Variants in SNAP47 observed in about 807,000 individuals in gnomAD.
SNAP47 encodes synaptosome associated protein 47.
Under a neutral mutation model 31.4 loss-of-function variants are expected in SNAP47, and 20 were observed. The ratio of observed to expected loss-of-function variants is 0.64; its 90% confidence interval spans 0.45 to 0.93. The LOEUF is 0.93. Ranked by LOEUF, SNAP47 falls within the 40% of genes least tolerant of loss-of-function variation. The pLI is 0.00. For synonymous variants in SNAP47, 194 were observed against 213.4 expected (o/e 0.91, Z 0.79); for missense variants, 492 against 528.5 (o/e 0.93, Z 0.68).
In SNAP47 at chr1:227,748,098, A is replaced by T; in HGVS notation, c.362A>T (p.Glu121Val). ...DASVPRTRGE[E>V]LTGLMAGSQK... ...TCTGTCCCAAGGACCCGGGGCGAGGAGCTGACGGGACTCATGGCTGGATCC... is the reference window on the plus strand; with the variant it reads ...TCTGTCCCAAGGACCCGGGGCGAGGTGCTGACGGGACTCATGGCTGGATCC... Residue 121 changes from glutamate to valine, a missense_variant, in exon 2 of 5, where the codon GAG becomes GTG. Transcript: ENST00000617596. The T allele has an allele frequency of 1.2e-6, 2 of 1,613,988 alleles. No homozygotes were observed. The highest frequency in any genetic ancestry group is 2.2e-5 in the East Asian group (1 of 44,848).
At chr1:227,734,880 AGAGGAACTCTCCAG>A (rs1299323145), upstream of SNAP47, 34 of 1,598,652 alleles carry the variant, frequency 2.1e-5, no homozygotes, top group Non-Finnish European at 2.9e-5. Flanking sequence ...AACCGTCTGC[AGAGGAACTCTCCAG>A]GGGCCACGCG....
At chr1:227,734,862 T>G (rs1558184186), upstream of SNAP47, 2 of 1,609,452 alleles carry the variant, frequency 1.2e-6, no homozygotes, top group Non-Finnish European at 1.7e-6. Flanking sequence ...GGCCCCGTCC[T>G]CACTCCAAAC....
Position 227,747,953 on chromosome 1 carries a change from A to T in SNAP47, c.217A>T (p.Lys73Ter), listed in dbSNP as rs1662080844. Residue 73 changes from lysine to a stop codon, truncating the protein, a stop_gained, in exon 2 of 5, where the codon AAG (lysine) becomes TAG (stop). Transcript: ENST00000617596. LOFTEE classifies it high-confidence loss of function. ...CTTCAGCTCCATCACCATCCTGGAG[A>T]AGGGCCATGCCAAGCACTGGTTCAG... is the stretch of plus-strand genomic sequence containing the variant. Reference protein sequence around the residue: ...FIFSSITILEKGHAKHWFSSL... With the variant: ...FIFSSITILE 6.2e-7 allele frequency: 1 copy of T among 1,614,068 alleles called. No individual in the cohort carries two copies. Among genetic ancestry groups the T allele is most frequent in the African/African-American group, 1.3e-5 (1 of 74,912 alleles).
chr1:227,735,401 C>T (rs1440717457), upstream of SNAP47: 3 of 1,568,800 alleles, frequency 1.9e-6, no homozygotes, highest in Non-Finnish European at 2.6e-6. Context: ...GGGCTCCGGG[C>T]CTGCACGCAT....
intron 4 of SNAP47, among the ~76,000 whole-genome samples, chr1:227,768,622 AG>A (rs1205129059): frequency 2.0e-5 from 3 of 152,154 alleles, no homozygotes; most frequent in Non-Finnish European, 2.9e-5. Flanking sequence ...GGCCTCACTT[AG>A]TCATGTCTGG....
chr1:227,732,488 G>C (rs566082278), upstream of SNAP47: 1 of 1,613,234 alleles, frequency 6.2e-7, no homozygotes, highest in African/African-American at 1.3e-5. Context: ...TCTGGAAGTC[G>C]GGGTGCGCAA....
chr1:227,776,749 C>T (rs544212551), intron 4 of SNAP47: 1,106 of 985,414 alleles, frequency 1.1e-3, no homozygotes, highest in Non-Finnish European at 1.3e-3. Flanking sequence ...TGTTCTTTGT[C>T]TGCAGACCTA....
intron 2 of SNAP47, among the ~76,000 whole-genome samples, chr1:227,748,833 T>G (rs1247285135): frequency 6.6e-6 from 1 of 152,260 alleles, no homozygotes; most frequent in Non-Finnish European, 1.5e-5. Context: ...TATGTTCTTC[T>G]GTTATGTTTC....
At chr1:227,740,075 G>A (rs910238737) in intron 1 of SNAP47, among the ~76,000 whole-genome samples, 3 of 152,254 alleles carry the variant, frequency 2.0e-5, no homozygotes, top group Non-Finnish European at 2.9e-5. Flanking sequence ...CCATGATAGT[G>A]CCTTCTGTAG....
intron 1 of SNAP47, among the ~76,000 whole-genome samples, chr1:227,729,331 C>G (rs570463401): frequency 3.9e-5 from 6 of 152,162 alleles, no homozygotes; most frequent in African/African-American, 1.4e-4. Flanking sequence ...TTGGTCCCTA[C>G]CCTTGGCTTC....
At chr1:227,734,610 C>A (rs368886090), upstream of SNAP47, 24 of 1,607,102 alleles carry the variant, frequency 1.5e-5, no homozygotes, top group African/African-American at 2.8e-4. Context: ...TCACGCAGCG[C>A]TAGGGAAGGC....
Position 227,740,182 on chromosome 1 carries a change from C to G in SNAP47, c.-46+4683C>G, listed in dbSNP as rs1362558943. ...GGCGAGGAAGCCCTCCGAACAGAGA[C>G]CTGCGGAGTGGAGCCACCAATGAGA... is the stretch of plus-strand genomic sequence containing the variant. On this transcript the variant is annotated intron_variant, in intron 1 of 4. Transcript: ENST00000617596. Among the ~76,000 whole-genome samples the G allele has an allele frequency of 3.3e-5, 5 of 152,318 alleles. 1 individual carries two copies. Among genetic ancestry groups the G allele is most frequent in the Admixed American group, 2.0e-4 (3 of 15,304 alleles).
In SNAP47 at chr1:227,735,473, C is replaced by G; in HGVS notation, c.-72C>G. 1 of 1,430,032 alleles carries G rather than the reference C, an allele frequency of 7.0e-7. No homozygotes were observed. Among genetic ancestry groups the G allele is most frequent in the Non-Finnish European group, 9.1e-7 (1 of 1,102,412 alleles). 88.6% of individuals were successfully genotyped at this position (1,430,032 alleles called of 1,614,324 possible). A position where few individuals can be genotyped will look rare whatever the true frequency, so the allele number is the denominator to read the frequency against. On this transcript the variant is annotated 5_prime_UTR_variant, in exon 1 of 5. Coordinates refer to ENST00000617596, the MANE Select transcript of SNAP47 (RefSeq NM_053052.4). ...CGAGCGGCCGAGGCGCCGCGGTCGG[C>G]TCTGGGACTCGTCTGGCGTCCCTCA... is the stretch of plus-strand genomic sequence containing the variant.
At chr1:227,735,366 C>A (rs34560898), upstream of SNAP47, 9,821 of 1,591,324 alleles carry the variant, frequency 6.2e-3, 397 homozygotes, top group African/African-American at 0.1. Flanking sequence ...CGCAGGGCGC[C>A]GCGTTTCTGC....
chr1:227,755,804 C>T (rs2102943258), intron 2 of SNAP47, among the ~76,000 whole-genome samples: 1 of 152,288 alleles, frequency 6.6e-6, no homozygotes, highest in East Asian at 1.9e-4. Context: ...CACTGGCTCA[C>T]CTGCAGGCCA....
At chr1:227,751,627 C>G (rs79740873) in intron 2 of SNAP47, among the ~76,000 whole-genome samples, 15,195 of 152,134 alleles carry the variant, frequency 0.1, 814 homozygotes, top group Middle Eastern at 0.21. Flanking sequence ...GGCGCCCAGC[C>G]TCCAGGACAT....
chr1:227,766,999 C>T lies in SNAP47; in HGVS notation c.1029C>T (p.Pro343=), dbSNP rs200001973. ...LMGRTLHREP[P]AGDQEGTALH... The stretch of plus-strand genomic sequence containing the variant: ...GCCGTACCCTGCACCGTGAGCCACC[C>T]GCAGGAGACCAGGAGGGCACAGCAC... The change falls in exon 4 of 5, where the codon CCC becomes CCT. Residue 343 remains proline, a synonymous_variant. Transcript: ENST00000617596. The T allele has an allele frequency of 2.3e-5, 37 of 1,613,972 alleles. No individual in the cohort carries two copies. The highest frequency in any genetic ancestry group is 1.6e-4 in the Middle Eastern group (1 of 6,062).
intron 1 of SNAP47, among the ~76,000 whole-genome samples, chr1:227,745,404 G>A (rs1260114054): frequency 6.6e-6 from 1 of 152,204 alleles, no homozygotes; most frequent in Non-Finnish European, 1.5e-5. Flanking sequence ...TTTGTAGAAA[G>A]TCTTGATGTC....
chr1:227,732,546 T>C, upstream of SNAP47: 1 of 1,613,418 alleles, frequency 6.2e-7, no homozygotes, highest in Non-Finnish European at 8.5e-7. Flanking sequence ...AAAGGCTGCC[T>C]GTTCGAAACC....
Sources: allele counts gnomAD v4.1 joint callset (sites outside exome capture counted in the v4.1 genomes callset), GRCh38; gene constraint gnomAD v4.1.1; transcripts MANE v1.5; gene names NCBI Gene and HGNC (gene_info 2026-07-23, HGNC 2026-07-21).